PXDN: variants seen among roughly 807,000 people sequenced by gnomAD.
PXDN encodes peroxidasin, also known as peroxidasin homolog.
A neutral mutation model predicts 140.3 loss-of-function variants in PXDN; 77 were observed. The observed-to-expected ratio is 0.55, with a 90% CI of 0.46 to 0.66. The LOEUF (loss-of-function observed/expected upper bound fraction) is 0.66, where lower values mean the gene tolerates loss of function less well. Among genes scored for constraint, PXDN ranks in the 30% least tolerant of loss-of-function variants. The probability of loss-of-function intolerance (pLI) is 0.00; values close to 1 mark genes in which losing one functional copy is unlikely to be tolerated. For missense variants in PXDN, 1,838 were observed against 2,039.5 expected (o/e 0.90, Z 1.90); for synonymous variants, 911 against 857.4 (o/e 1.06, Z -1.09).
intron 1 of PXDN, 58 bp downstream of exon 1, chr2:1,744,198 T>C: frequency 8.2e-7 from 1 of 1,217,030 alleles, no homozygotes; most frequent in Non-Finnish European, 1.1e-6. Context: ...ACCCCTGCGC[T>C]CCCGGATCTC....
chr2:1,716,168 T>C (rs976020368), intron 1 of PXDN, among the ~76,000 whole-genome samples: 2 of 152,096 alleles, frequency 1.3e-5, no homozygotes, highest in African/African-American at 4.8e-5. Flanking sequence ...CCGGGCACAG[T>C]GGCTGATGCC....
At chr2:1,635,111 G>A (rs1682514612) in intron 22 of PXDN, among the ~76,000 whole-genome samples, 1 of 150,582 alleles carries the variant, frequency 6.6e-6, no homozygotes, top group African/African-American at 2.5e-5. Context: ...GCCACAGCTG[G>A]TGGGAGGTGA....
intron 14 of PXDN, among the ~76,000 whole-genome samples, chr2:1,659,196 T>C (rs1683246756): frequency 6.6e-6 from 1 of 152,250 alleles, no homozygotes; most frequent in Non-Finnish European, 1.5e-5. Flanking sequence ...TCCAGCCTGA[T>C]TTATTTCACC....
Position 1,663,454 on chromosome 2 carries a change from G to A in PXDN, c.1567+151C>T, listed in dbSNP as rs969028413. ...AATGAGCTACTATGCAGACACCCTG[G>A]GGGCACAAGCACAATGACGGTGCAC... On this transcript the variant is annotated intron_variant, in intron 12 of 22. Transcript: ENST00000252804. 14 of 1,055,578 alleles carry A rather than the reference G, an allele frequency of 1.3e-5. No individual in the cohort carries two copies. In the African/African-American group the frequency reaches 2.1e-4, roughly 16 times the overall value. The allele number at this position is 1,055,578 out of a possible 1,614,324, so 65.4% of individuals were successfully genotyped here.
intron 1 of PXDN, among the ~76,000 whole-genome samples, chr2:1,733,805 CA>C (rs1003653708): frequency 6.4e-5 from 9 of 139,562 alleles, no homozygotes; most frequent in African/African-American, 2.4e-4. Context: ...GAATATTACT[CA>C]GGAAAATATC....
At chr2:1,678,426 G>A (rs1241641772) in intron 7 of PXDN, among the ~76,000 whole-genome samples, 2 of 152,202 alleles carry the variant, frequency 1.3e-5, no homozygotes, top group African/African-American at 4.8e-5. Context: ...CCTGAACGGG[G>A]TGAATTGTCT....
chr2:1,687,701 T>G lies in PXDN; in HGVS notation c.347A>C (p.Tyr116Ser), dbSNP rs1364420690. ...TGACTGGATCTCATTCTTGTACAGATAGCTGAAACAAGAAACATTGGGGAG... is the reference window on the plus strand; with the variant it reads ...TGACTGGATCTCATTCTTGTACAGAGAGCTGAAACAAGAAACATTGGGGAG... ...FEDLENLKYLYLYKNEIQSID... is the reference protein window; with the variant it reads ...FEDLENLKYLSLYKNEIQSID... The change falls in exon 4 of 23, where the codon TAT (tyrosine) becomes TCT (serine). Residue 116 changes from tyrosine to serine, a missense_variant and splice_region_variant. Transcript: ENST00000252804. This position sits in a 1 kb window ranked among gnomAD's most constrained non-coding sequence, Gnocchi z 4.0. 1.3e-6 allele frequency: 2 copies of G among 1,514,350 alleles called. No homozygotes were observed. Among genetic ancestry groups the G allele is most frequent in the South Asian group, 1.2e-5 (1 of 86,554 alleles). 93.8% of individuals were successfully genotyped at this position (1,514,350 alleles called of 1,614,324 possible). A position where few individuals can be genotyped will look rare whatever the true frequency, so the allele number is the denominator to read the frequency against.
chr2:1,646,174 C>T, intron 17 of PXDN: 1 of 152,280 alleles, frequency 6.6e-6, no homozygotes, highest in East Asian at 1.9e-4. Context: ...CATCTTTTCT[C>T]ATGTTTATGT....
At chr2:1,681,837 CT>C (rs1459919527) in intron 6 of PXDN, among the ~76,000 whole-genome samples, 1 of 152,226 alleles carries the variant, frequency 6.6e-6, no homozygotes, top group African/African-American at 2.4e-5. Context: ...CCAGTCGGTC[CT>C]GGTGGAGCGA....
At position 1,648,151 on chromosome 2, in the gene PXDN, C is replaced by T; in HGVS notation, c.3608+21G>A. The T allele has an allele frequency of 6.2e-7, 1 of 1,604,476 alleles. No homozygotes were observed. ...AGGTGCCTAGGTACACGAGCCATCC[C>T]ACACAGCCTCTTCAGCTCACCTTTT... On this transcript the variant is annotated intron_variant, in intron 17 of 22. Coordinates refer to ENST00000252804, the MANE Select transcript of PXDN (RefSeq NM_012293.3). The surrounding 1 kb of genome is among the most constrained non-coding windows in gnomAD (Gnocchi z 8.9).
rs753511262 is a variant in PXDN, at chr2:1,649,230, C to T, written c.2550G>A (p.Val850=). 1.9e-5 allele frequency: 30 copies of T among 1,613,002 alleles called. No individual in the cohort carries two copies. In the South Asian group the frequency reaches 2.7e-4, roughly 15 times the overall value. ...RFSDGQHCSN[V]CSNDPPCFSV... is the part of the protein sequence containing the mutation. ...AGAAGCAGGGGGGGTCGTTGCTGCACACGTTGCTGCAGTGCTGTCCGTCGG... is the reference window on the plus strand; with the variant it reads ...AGAAGCAGGGGGGGTCGTTGCTGCATACGTTGCTGCAGTGCTGTCCGTCGG... The change falls in exon 17 of 23, where the codon GTG becomes GTA. Residue 850 remains valine (V), a synonymous_variant. Transcript: ENST00000252804. The surrounding 1 kb of genome is among the most constrained non-coding windows in gnomAD (Gnocchi z 7.1).
chr2:1,634,145 A>T lies in PXDN; in HGVS notation c.*59T>A. 1 of 1,543,366 alleles carries T rather than the reference A, an allele frequency of 6.5e-7. No homozygotes were observed. Among genetic ancestry groups the T allele is most frequent in the Non-Finnish European group, 8.8e-7 (1 of 1,141,034 alleles). Reference sequence around the variant, plus strand: ...GGTCTGCAGTCCGCAGCTCCCTGCCATCGGCCACCCGATCTCACGATGGCA... The same window carrying T: ...GGTCTGCAGTCCGCAGCTCCCTGCCTTCGGCCACCCGATCTCACGATGGCA... On this transcript the variant is annotated 3_prime_UTR_variant, in exon 23 of 23. Transcript: ENST00000252804.
At chr2:1,654,359 T>G (rs1388347416) in intron 15 of PXDN, 41 bp downstream of exon 15, 1 of 1,416,236 alleles carries the variant, frequency 7.1e-7, no homozygotes, top group Non-Finnish European at 1.0e-6. Flanking sequence ...ACCCTAAAGC[T>G]CAGTGATTTG....
intron 1 of PXDN, among the ~76,000 whole-genome samples, chr2:1,731,152 GCACACACACA>G (rs72079011): frequency 3.1e-4 from 42 of 136,060 alleles, no homozygotes; most frequent in African/African-American, 1.2e-3. Context: ...GAGCGCGCGC[GCACACACACA>G]CACACACACA....
At chr2:1,720,993 G>A (rs907566936) in intron 1 of PXDN, among the ~76,000 whole-genome samples, 18 of 152,178 alleles carry the variant, frequency 1.2e-4, no homozygotes, top group East Asian at 3.9e-4. Flanking sequence ...CTGCTCCGGG[G>A]AGGTCAGCCT....
intron 1 of PXDN, among the ~76,000 whole-genome samples, chr2:1,732,381 G>A (rs1338114434): frequency 2.0e-5 from 3 of 152,258 alleles, no homozygotes; most frequent in East Asian, 3.9e-4. Context: ...AGCCAGAAAA[G>A]AGCCACCCAA....
intron 1 of PXDN, among the ~76,000 whole-genome samples, chr2:1,739,502 A>C (rs973997050): frequency 6.6e-6 from 1 of 152,202 alleles, no homozygotes; most frequent in Non-Finnish European, 1.5e-5. Flanking sequence ...AGATCTAACA[A>C]TAGAAGAGCT....
rs1020472380 is a variant in PXDN at position 1,633,216 on chromosome 2, T to G, written c.*988A>C. The G allele has an allele frequency of 6.7e-6, 1 of 150,258 alleles. No individual in the cohort carries two copies. Among genetic ancestry groups the G allele is most frequent in the South Asian group, 2.1e-4 (1 of 4,714 alleles). 9.3% of individuals were successfully genotyped at this position (150,258 alleles called of 1,614,324 possible). A position where few individuals can be genotyped will look rare whatever the true frequency, so the allele number is the denominator to read the frequency against. On this transcript the variant is annotated 3_prime_UTR_variant, in exon 23 of 23. Transcript: ENST00000252804. The stretch of plus-strand genomic sequence containing the variant: ...CTCACACAACCTGAAGTTAGACAGT[T>G]CCCGACACTTGAGCTCCTCCTCCCT...
intron 2 of PXDN, among the ~76,000 whole-genome samples, 187 bp from the exon 3 acceptor site, chr2:1,692,186 A>T (rs1159147697): frequency 6.6e-6 from 1 of 152,268 alleles, no homozygotes; most frequent in Non-Finnish European, 1.5e-5. Flanking sequence ...ATCATGAAGA[A>T]AACGTTGCTG....
Sources: allele counts gnomAD v4.1 joint callset (sites outside exome capture counted in the v4.1 genomes callset), GRCh38; gene constraint gnomAD v4.1.1; non-coding constraint Gnocchi (gnomAD v3.1); transcripts MANE v1.5; gene names NCBI Gene and HGNC (gene_info 2026-07-23, HGNC 2026-07-21).